The following NRDC variants were observed in gnomAD, a reference collection of about 807,000 sequenced individuals.
NRDC encodes the protein nardilysin convertase.
A neutral mutation model predicts 147.1 loss-of-function variants in NRDC; 54 were observed. The ratio of observed to expected loss-of-function variants is 0.37; its 90% CI spans 0.29 to 0.46. The LOEUF is 0.46. Ranked by LOEUF, NRDC falls within the 20% of genes least tolerant of loss-of-function variation. The pLI is 1.00. For missense variants in NRDC, 1,082 were observed against 1,370.6 expected (o/e 0.79, Z 3.33); for synonymous variants, 440 against 482.1 (o/e 0.91, Z 1.14).
At chr1:51,790,695 C>T (rs750806981) in intron 28 of NRDC, 46 bp from the exon 29 acceptor site, 1 of 1,349,488 alleles carries the variant, frequency 7.4e-7, no homozygotes, top group South Asian at 1.2e-5. Flanking sequence ...CAACATACCA[C>T]TTCCCACAGA....
intron 1 of NRDC, among the ~76,000 whole-genome samples, chr1:51,870,175 C>A (rs748768249): frequency 3.3e-5 from 5 of 152,216 alleles, no homozygotes; most frequent in African/African-American, 4.8e-5. Flanking sequence ...CTAAAATGTA[C>A]TGGACCTTGA....
Position 51,802,596 on chromosome 1 carries a change from T to C in NRDC, c.2313+1218A>G, listed in dbSNP as rs549031218. On this transcript the variant is annotated intron_variant, in intron 20 of 30. Transcript: ENST00000352171. ...CAAAGTAAAATTATTCTTGGCTTGT[T>C]GCTGATGTCAGTGATCATCATTTTA... Among the ~76,000 whole-genome samples the C allele has an allele frequency of 1.5e-4, 23 of 152,340 alleles. No individual in the cohort carries two copies. In the South Asian group the frequency reaches 4.3e-3, roughly 29 times the overall value.
chr1:51,798,132 C>G (rs765750790), intron 22 of NRDC, 117 bp downstream of exon 22: 5 of 1,008,196 alleles, frequency 5.0e-6, no homozygotes, highest in Non-Finnish European at 7.4e-6. Flanking sequence ...CCCTTCTAAA[C>G]AGAATATGAT....
At chr1:51,826,312 G>T (rs1680442754) in intron 5 of NRDC, among the ~76,000 whole-genome samples, 1 of 152,102 alleles carries the variant, frequency 6.6e-6, no homozygotes, top group African/African-American at 2.4e-5. Flanking sequence ...AAGCCACCAT[G>T]TTTCTGCAAT....
intron 9 of NRDC, among the ~76,000 whole-genome samples, chr1:51,818,692 G>T (rs1226080353): frequency 6.6e-6 from 1 of 152,070 alleles, no homozygotes; most frequent in Non-Finnish European, 1.5e-5. Context: ...CAGCAGAAGC[G>T]TGTAACAAAA....
At chr1:51,863,013 G>GAAAA (rs562410956) in intron 1 of NRDC, among the ~76,000 whole-genome samples, 482 of 32,022 alleles carry the variant, frequency 0.015, 35 homozygotes, top group East Asian at 0.036. Context: ...CTGTGTGGAG[G>GAAAA]AAAAAAAAAA....
At position 51,791,575 on chromosome 1, in the gene NRDC, CACTT is replaced by C; in HGVS notation, c.2959_2960+2del. On this transcript the variant is annotated splice_donor_variant and coding_sequence_variant, in exon 27 of 31. Transcript: ENST00000352171. LOFTEE classifies it high-confidence loss of function. ...ACACTCATCTATTCACTCACTCACT[CACTT>C]GTATTTGGTTGCCTGAGTCCCCACA... is the stretch of plus-strand genomic sequence containing the variant. The C allele has an allele frequency of 6.2e-7, 1 of 1,606,518 alleles. No homozygotes were observed. The highest frequency in any genetic ancestry group is 8.5e-7 in the Non-Finnish European group (1 of 1,173,070).
At chr1:51,877,193 A>T (rs1683373148) in intron 1 of NRDC, among the ~76,000 whole-genome samples, 1 of 152,216 alleles carries the variant, frequency 6.6e-6, no homozygotes, top group African/African-American at 2.4e-5. Flanking sequence ...TTTCAAAAAA[A>T]AAAAGGAAAT....
In NRDC at chr1:51,794,484, A is replaced by G. The variant is rs933926744; in HGVS notation, c.2763T>C (p.Thr921=). The part of the protein sequence containing the change: ...LNKGDANSEV[T]VYYQSGTRSL... The stretch of plus-strand genomic sequence containing the variant: ...ACACCCAACTGACCTGGTAGTACAC[A>G]GTGACTTCAGAGTTGGCATCACCCT... The change falls in exon 24 of 31, where the codon ACT becomes ACC. Residue 921 remains threonine (T), a synonymous_variant. Transcript: ENST00000352171. The G allele has an allele frequency of 1.2e-6, 2 of 1,614,192 alleles. No individual in the cohort carries two copies. Among genetic ancestry groups the G allele is most frequent in the African/African-American group, 1.3e-5 (1 of 75,034 alleles).
chr1:51,860,313 C>T (rs1448644648), intron 1 of NRDC, among the ~76,000 whole-genome samples: 1 of 152,166 alleles, frequency 6.6e-6, no homozygotes, highest in East Asian at 1.9e-4. Flanking sequence ...AAGAATAAAA[C>T]TTCCCCAGAT....
intron 1 of NRDC, among the ~76,000 whole-genome samples, chr1:51,861,336 T>C (rs558327470): frequency 2.0e-5 from 3 of 147,970 alleles, no homozygotes; most frequent in Non-Finnish European, 4.5e-5. Flanking sequence ...TCTTCTTCTT[T>C]TTTTTTTTTT....
In NRDC at chr1:51,827,939, TAAGA is replaced by T. The variant is rs1321417530; in HGVS notation, c.867-74_867-71del. 3.4e-6 allele frequency: 4 copies of T among 1,164,688 alleles called. No homozygotes were observed. The Middle Eastern group carries it at 5.7e-4, about 165-fold the overall frequency. 72.1% of individuals were successfully genotyped at this position (1,164,688 alleles called of 1,614,324 possible). ...ATCAATCAACATCTATTATTTTAATTAAGAAACTTACTAAGTTGGAGATTTAATT... is the reference window on the plus strand; with the variant it reads ...ATCAATCAACATCTATTATTTTAATTAACTTACTAAGTTGGAGATTTAATT... On this transcript the variant is annotated intron_variant, in intron 4 of 30. Coordinates refer to ENST00000352171, the MANE Select transcript of NRDC (RefSeq NM_001101662.2).
At chr1:51,852,469 C>G (rs1006529914) in intron 1 of NRDC, among the ~76,000 whole-genome samples, 1 of 5,066 alleles carries the variant, frequency 2.0e-4, no homozygotes, top group African/African-American at 7.8e-4. Context: ...ATAACTATAA[C>G]TATATATACA....
intron 1 of NRDC, among the ~76,000 whole-genome samples, chr1:51,867,099 C>G (rs554833715): frequency 6.6e-6 from 1 of 152,042 alleles, no homozygotes; most frequent in African/African-American, 2.4e-5. Flanking sequence ...CTCAGCCTAC[C>G]AAAGCACTGG....
At chr1:51,807,813 T>C (rs1679537736) in intron 17 of NRDC, among the ~76,000 whole-genome samples, 1 of 151,336 alleles carries the variant, frequency 6.6e-6, no homozygotes, top group African/African-American at 2.4e-5. Flanking sequence ...TTTTTTTTTT[T>C]TTGGCGTGTG....
chr1:51,862,499 G>T (rs992134931), intron 1 of NRDC: 1 of 152,218 alleles, frequency 6.6e-6, no homozygotes, highest in Non-Finnish European at 1.5e-5. Context: ...GAGGTGGGAG[G>T]ATTGCTTGAG....
intron 3 of NRDC, among the ~76,000 whole-genome samples, chr1:51,835,790 G>C (rs1463070797): frequency 6.6e-6 from 1 of 152,152 alleles, no homozygotes; most frequent in African/African-American, 2.4e-5. Flanking sequence ...CTGATGTTTG[G>C]CTGGGGGCCT....
At position 51,816,386 on chromosome 1, in the gene NRDC, C is replaced by T. The variant is rs1271084277; in HGVS notation, c.1365G>A (p.Val455=). 1 of 1,569,428 alleles carries T rather than the reference C, an allele frequency of 6.4e-7. No individual in the cohort carries two copies. Among genetic ancestry groups the T allele is most frequent in the Non-Finnish European group, 8.6e-7 (1 of 1,157,322 alleles). The change falls in exon 11 of 31, where the codon GTG becomes GTA. Residue 455 remains valine, a synonymous_variant. Transcript: ENST00000352171. ...GCCAGGATATATAATGAAGTGGCTTCACCCTTTTAAAAAAATTTAATGGTC... is the reference window on the plus strand; with the variant it reads ...GCCAGGATATATAATGAAGTGGCTTTACCCTTTTAAAAAAATTTAATGGTC... ...ALPPQQQHYR[V]KPLHYISWLV...
intron 1 of NRDC, among the ~76,000 whole-genome samples, chr1:51,841,324 T>C (rs1681255614): frequency 1.3e-5 from 2 of 152,204 alleles, no homozygotes; most frequent in South Asian, 4.1e-4. Context: ...TCCTTTTTCT[T>C]TGAGACAAGG....
Sources: gnomAD v4.1 joint callset for allele counts (sites outside exome capture counted in the v4.1 genomes callset) on GRCh38, gnomAD v4.1.1 for gene constraint, MANE v1.5 for transcripts, NCBI Gene and HGNC (gene_info 2026-07-23, HGNC 2026-07-21) for gene names.